ITGAM: variants seen among roughly 807,000 people sequenced by gnomAD.
ITGAM encodes integrin subunit alpha M.
ITGAM carries 79 observed loss-of-function variants against 137.5 expected under a neutral mutation model. The ratio of observed to expected loss-of-function variants is 0.57; its 90% CI spans 0.48 to 0.69. The LOEUF is 0.69. Among genes scored for constraint, ITGAM ranks in the 30% least tolerant of loss-of-function variants. ITGAM has a pLI of 0.00. For missense variants in ITGAM, 1,343 were observed against 1,483.5 expected (o/e 0.91, Z 1.56); for synonymous variants, 583 against 592.3 (o/e 0.98, Z 0.23).
chr16:31,310,863 A>T (rs963930332), intron 14 of ITGAM, among the ~76,000 whole-genome samples: 1 of 152,116 alleles, frequency 6.6e-6, no homozygotes, highest in Admixed American at 6.6e-5. Context: ...TGACGTACAG[A>T]TGGGTTTTTG....
chr16:31,285,835 G>C (rs1368293983), intron 12 of ITGAM, among the ~76,000 whole-genome samples: 1 of 138,750 alleles, frequency 7.2e-6, no homozygotes, highest in Non-Finnish European at 1.6e-5. Flanking sequence ...GTCTCACTAT[G>C]TTGCCCAGGC....
chr16:31,321,568 C>T lies in ITGAM; in HGVS notation c.1943C>T (p.Ala648Val). The T allele has an allele frequency of 3.7e-6, 6 of 1,613,978 alleles. No individual in the cohort carries two copies. The highest frequency in any genetic ancestry group is 5.1e-6 in the Non-Finnish European group (6 of 1,179,898). ...CNDQVVKGKE[A>V]GEVRVCLHVQ... The stretch of plus-strand genomic sequence containing the variant: ...GATCAGGTGGTGAAAGGCAAGGAAG[C>T]CGGAGAGGTCAGAGTCTGCCTCCAT... The change falls in exon 16 of 30, where the codon GCC becomes GTC. Residue 648 changes from alanine to valine, a missense_variant. By Grantham distance (64) the Ala-to-Val change is moderately conservative (BLOSUM62 0). Coordinates refer to ENST00000544665, the MANE Select transcript of ITGAM (RefSeq NM_000632.4).
intron 14 of ITGAM, among the ~76,000 whole-genome samples, chr16:31,308,457 C>T (rs2080288640): frequency 6.6e-6 from 1 of 152,162 alleles, no homozygotes; most frequent in Non-Finnish European, 1.5e-5. Context: ...GTAGTATCCT[C>T]TGATGGTAGT....
intron 12 of ITGAM, among the ~76,000 whole-genome samples, chr16:31,280,013 G>C (rs2079950820): frequency 7.3e-6 from 1 of 136,964 alleles, no homozygotes; most frequent in Admixed American, 6.8e-5. Flanking sequence ...CCCATTTCTT[G>C]TTTTTTCAGG....
intron 12 of ITGAM, among the ~76,000 whole-genome samples, chr16:31,280,668 T>C (rs1483413709): frequency 1.3e-5 from 2 of 152,172 alleles, no homozygotes; most frequent in Non-Finnish European, 2.9e-5. Flanking sequence ...AAATATACAA[T>C]CATGTCGTCT....
At position 31,324,688 on chromosome 16, in the gene ITGAM, G is replaced by T; in HGVS notation, c.2195G>T (p.Arg732Leu). 6.2e-7 allele frequency: 1 copy of T among 1,602,396 alleles called. No individual in the cohort carries two copies. Among genetic ancestry groups the T allele is most frequent in the Non-Finnish European group, 8.5e-7 (1 of 1,175,080 alleles). The change falls in exon 18 of 30, where the codon CGC becomes CTC. Residue 732 changes from arginine to leucine, a missense_variant. Coordinates refer to ENST00000544665, the MANE Select transcript of ITGAM (RefSeq NM_000632.4). The surrounding 1 kb of genome is among the most constrained non-coding windows in gnomAD (Gnocchi z 4.5). ...IEDPVSPIVLRLNFSLVGTPL... is the reference protein window; with the variant it reads ...IEDPVSPIVLLLNFSLVGTPL... ...GACCCAGTGAGCCCCATTGTGCTGCGCCTGAACTTCTCTCTGGTGGGAACG... is the reference window on the plus strand; with the variant it reads ...GACCCAGTGAGCCCCATTGTGCTGCTCCTGAACTTCTCTCTGGTGGGAACG...
chr16:31,314,582 T>A (rs1190303884), intron 14 of ITGAM, among the ~76,000 whole-genome samples: 1 of 152,036 alleles, frequency 6.6e-6, no homozygotes, highest in Non-Finnish European at 1.5e-5. Context: ...CTGTTTCATT[T>A]GTCTATATAT....
At chr16:31,325,129 G>A in intron 19 of ITGAM, 98 bp downstream of exon 19, 2 of 1,467,712 alleles carry the variant, frequency 1.4e-6, no homozygotes, top group Non-Finnish European at 9.2e-7. Context: ...GTGTTCCTGG[G>A]CTATAAGGTC....
intron 14 of ITGAM, among the ~76,000 whole-genome samples, chr16:31,312,607 T>G (rs2080346220): frequency 6.6e-6 from 1 of 152,002 alleles, no homozygotes; most frequent in South Asian, 2.1e-4. Context: ...TTAAATTTCT[T>G]TTGCAGTGAC....
chr16:31,324,859 T>C lies in ITGAM; in HGVS notation c.2289+77T>C, dbSNP rs546017130. 6.4e-7 allele frequency: 1 copy of C among 1,553,048 alleles called. No individual in the cohort carries two copies. Among genetic ancestry groups the C allele is most frequent in the Admixed American group, 1.9e-5 (1 of 52,640 alleles). Reference sequence around the variant, plus strand: ...GGTGGTTGAAACTCATTTTATTTGATTGCATCTAATTTTACTTCAACATTT... The same window carrying C: ...GGTGGTTGAAACTCATTTTATTTGACTGCATCTAATTTTACTTCAACATTT... On this transcript the variant is annotated intron_variant, in intron 18 of 29. Transcript: ENST00000544665. The surrounding 1 kb of genome is among the most constrained non-coding windows in gnomAD (Gnocchi z 4.5).
At chr16:31,262,659 C>A (rs2079718787) in intron 2 of ITGAM, among the ~76,000 whole-genome samples, 1 of 152,118 alleles carries the variant, frequency 6.6e-6, no homozygotes, top group Non-Finnish European at 1.5e-5. Flanking sequence ...CTTGCTTGGG[C>A]CTCCCAACTT....
Position 31,330,831 on chromosome 16 carries a change from T to C in ITGAM, c.3276+226T>C, listed in dbSNP as rs541822720. On this transcript the variant is annotated intron_variant, in intron 28 of 29. Coordinates refer to ENST00000544665, the MANE Select transcript of ITGAM (RefSeq NM_000632.4). ...AGACAAAGGAGAGAGAGATAGAGAGTCAGAGAGATAGAGATAGAGACAGAG... is the reference window on the plus strand; with the variant it reads ...AGACAAAGGAGAGAGAGATAGAGAGCCAGAGAGATAGAGATAGAGACAGAG... 2.0e-3 allele frequency among the ~76,000 whole-genome samples: 274 copies of C among 136,346 alleles called. 5 individuals carry two copies. Among genetic ancestry groups the C allele is most frequent in the Non-Finnish European group, 2.8e-3 (176 of 63,068 alleles). 89.4% of individuals were successfully genotyped at this position (136,346 alleles called of 152,430 possible). A position where few individuals can be genotyped will look rare whatever the true frequency, so the allele number is the denominator to read the frequency against.
chr16:31,291,560 T>C (rs1208155933), intron 12 of ITGAM, among the ~76,000 whole-genome samples: 1 of 152,148 alleles, frequency 6.6e-6, no homozygotes, highest in Non-Finnish European at 1.5e-5. Flanking sequence ...TATCTCATTG[T>C]GGTTTTCATT....
intron 14 of ITGAM, among the ~76,000 whole-genome samples, chr16:31,315,651 G>A (rs2080383534): frequency 6.6e-6 from 1 of 151,034 alleles, no homozygotes; most frequent in Admixed American, 6.6e-5. Flanking sequence ...TAGAGACGGG[G>A]TTTCACCATG....
At chr16:31,284,343 G>C (rs1353917925) in intron 12 of ITGAM, among the ~76,000 whole-genome samples, 1 of 152,188 alleles carries the variant, frequency 6.6e-6, no homozygotes, top group Non-Finnish European at 1.5e-5. Context: ...TACAGAGGCA[G>C]GCAGGCTTCC....
Position 31,330,315 on chromosome 16 carries a change from C to T in ITGAM, c.3068C>T (p.Ser1023Phe). The change falls in exon 27 of 30, where the codon TCC becomes TTC. Residue 1023 changes from serine (S) to phenylalanine (F), a missense_variant. Coordinates refer to ENST00000544665, the MANE Select transcript of ITGAM (RefSeq NM_000632.4). ...ELRKAPVVNC[S>F]IAVCQRIQCD... Reference sequence around the variant, plus strand: ...CCCTCCTGCGTTCCCCAGAACTGCTCCATCGCTGTCTGCCAGAGAATCCAG... The same window carrying T: ...CCCTCCTGCGTTCCCCAGAACTGCTTCATCGCTGTCTGCCAGAGAATCCAG... 2.5e-6 allele frequency: 4 copies of T among 1,613,568 alleles called. No individual in the cohort carries two copies. The highest frequency in any genetic ancestry group is 3.4e-6 in the Non-Finnish European group (4 of 1,179,462).
In ITGAM at chr16:31,322,402, G is replaced by A. The variant is rs73534461; in HGVS notation, c.2002+775G>A. Among the ~76,000 whole-genome samples the A allele has an allele frequency of 9.7e-3, 1,476 of 152,284 alleles. 30 individuals are homozygous for A. The highest frequency in any genetic ancestry group is 0.033 in the African/African-American group (1,382 of 41,560). On this transcript the variant is annotated intron_variant, in intron 16 of 29. Transcript: ENST00000544665. Reference sequence around the variant, plus strand: ...TAAGAGCAAAATGTTAGAGAGTAGGGAATTGAAGAAGAGGTACCCTTAAAC... The same window carrying A: ...TAAGAGCAAAATGTTAGAGAGTAGGAAATTGAAGAAGAGGTACCCTTAAAC...
chr16:31,310,788 C>T (rs529928411), intron 14 of ITGAM, among the ~76,000 whole-genome samples: 133 of 152,054 alleles, frequency 8.7e-4, no homozygotes, highest in African/African-American at 2.9e-3. Context: ...TTAGAGTTTC[C>T]GGTTTTTCTG....
chr16:31,270,744 T>TATA (rs1567248965), intron 5 of ITGAM, among the ~76,000 whole-genome samples: 32 of 106,094 alleles, frequency 3.0e-4, no homozygotes, highest in African/African-American at 1.0e-3. Context: ...TATATATATA[T>TATA]GTTTTTAACG....
Sources: gnomAD v4.1 joint callset for allele counts (sites outside exome capture counted in the v4.1 genomes callset) on GRCh38, gnomAD v4.1.1 for gene constraint, Gnocchi (gnomAD v3.1) non-coding constraint, MANE v1.5 for transcripts, NCBI Gene and HGNC (gene_info 2026-07-23, HGNC 2026-07-21) for gene names.